UGT1A5: variants seen among roughly 807,000 people sequenced by gnomAD.
UGT1A5 encodes the protein UDP glucuronosyltransferase family 1 member A5.
A neutral mutation model predicts 40.3 loss-of-function variants in UGT1A5; 29 were observed. The observed-to-expected ratio is 0.72, with a 90% CI of 0.54 to 0.98. The LOEUF (loss-of-function observed/expected upper bound fraction) is 0.98, where lower values mean the gene tolerates loss of function less well. Ranked by LOEUF, UGT1A5 falls within the 50% of genes least tolerant of loss-of-function variation. The probability of loss-of-function intolerance (pLI) is 0.00; values close to 1 mark genes in which losing one functional copy is unlikely to be tolerated. For synonymous variants in UGT1A5, 257 were observed against 262.5 expected, an observed-to-expected ratio of 0.98 and a Z score of 0.20; for missense variants, 678 against 677.9, an observed-to-expected ratio of 1.00 and a Z score of 0.00.
intron 1 of UGT1A5, among the ~76,000 whole-genome samples, chr2:233,717,495 T>C (rs979410742): frequency 1.3e-5 from 2 of 152,220 alleles, no homozygotes; most frequent in Admixed American, 6.5e-5. Flanking sequence ...CTGTTATCAA[T>C]GTGGATTTCT....
At chr2:233,731,439 C>T (rs1335351159) in intron 1 of UGT1A5, among the ~76,000 whole-genome samples, 1 of 152,054 alleles carries the variant, frequency 6.6e-6, no homozygotes, top group Non-Finnish European at 1.5e-5. Context: ...TCCCCCAGTC[C>T]CCCACCCCAC....
At position 233,747,294 on chromosome 2, in the gene UGT1A5, G is replaced by T. The variant is rs1361092863; in HGVS notation, c.868-19740G>T. 2.5e-6 allele frequency: 4 copies of T among 1,601,728 alleles called. No homozygotes were observed. In the Admixed American group the frequency reaches 6.7e-5, roughly 27 times the overall value. ...TTCTCAGTGCCCAGCCCTGGGCTGA[G>T]AGTGGGAAGGTGCTGGTGGTACCCA... On this transcript the variant is annotated intron_variant, in intron 1 of 4. Transcript: ENST00000373414.
chr2:233,726,165 C>CA (rs1281871437), intron 1 of UGT1A5, among the ~76,000 whole-genome samples: 1 of 151,994 alleles, frequency 6.6e-6, no homozygotes, highest in Non-Finnish European at 1.5e-5. Context: ...GGCCCCATTT[C>CA]AAAAAAATAA....
At chr2:233,765,830 A>G (rs929596) in intron 1 of UGT1A5, among the ~76,000 whole-genome samples, 48,017 of 151,854 alleles carry the variant, frequency 0.32, 7,975 homozygotes, top group African/African-American at 0.41. Flanking sequence ...GAAACAGGAA[A>G]ACTTTCCTTG....
intron 1 of UGT1A5, chr2:233,755,181 C>G: frequency 8.3e-7 from 1 of 1,205,566 alleles, no homozygotes. Context: ...GTCGGGGTGC[C>G]ACTTGAGCGC....
intron 1 of UGT1A5, among the ~76,000 whole-genome samples, chr2:233,727,296 G>A (rs1359558344): frequency 1.3e-5 from 2 of 152,036 alleles, no homozygotes; most frequent in Non-Finnish European, 2.9e-5. Context: ...TGATGACTTG[G>A]GCAGCTCCTT....
At chr2:233,715,882 C>A (rs576558461) in intron 1 of UGT1A5, among the ~76,000 whole-genome samples, 1 of 152,178 alleles carries the variant, frequency 6.6e-6, no homozygotes, top group Non-Finnish European at 1.5e-5. Flanking sequence ...CCTGTGGCCC[C>A]AGCTACTTGG....
intron 1 of UGT1A5, among the ~76,000 whole-genome samples, chr2:233,718,242 C>T (rs2076642509): frequency 6.6e-6 from 1 of 152,148 alleles, no homozygotes; most frequent in Non-Finnish European, 1.5e-5. Flanking sequence ...CCTCTTTGAG[C>T]TTTACAAGAA....
rs1005188679 is a variant in UGT1A5, at chr2:233,769,324, T to C, written c.1307+885T>C. 3.9e-5 allele frequency among the ~76,000 whole-genome samples: 6 copies of C among 152,244 alleles called. No individual in the cohort carries two copies. Among genetic ancestry groups the C allele is most frequent in the African/African-American group, 1.4e-4 (6 of 41,472 alleles). On this transcript the variant is annotated intron_variant, in intron 4 of 4. Coordinates refer to ENST00000373414, the MANE Select transcript of UGT1A5 (RefSeq NM_019078.2). This position sits in a 1 kb window ranked among gnomAD's most constrained non-coding sequence, Gnocchi z 4.4. ...ATATTACTGTCAAGCTCACTGGTAA[T>C]AGGCTTATTAGAACCTTATGGGAAG...
chr2:233,750,088 A>G (rs1694357041), intron 1 of UGT1A5, among the ~76,000 whole-genome samples: 1 of 151,928 alleles, frequency 6.6e-6, no homozygotes, highest in South Asian at 2.1e-4. Context: ...AGGTTGGAAC[A>G]GTTTGGAGAG....
In UGT1A5 at chr2:233,744,339, T is replaced by C. The variant is rs368123082; in HGVS notation, c.868-22695T>C. Among the ~76,000 whole-genome samples, 73 of 151,998 alleles carry C rather than the reference T, an allele frequency of 4.8e-4. No individual in the cohort carries two copies. The East Asian group carries it at 9.6e-3, about 20-fold the overall frequency. ...GTGGTGGGAGTGAGTTTAGTCTGAC[T>C]GGGGCTGAAGACATCCTGTTGTTTA... On this transcript the variant is annotated intron_variant, in intron 1 of 4. Coordinates refer to ENST00000373414, the MANE Select transcript of UGT1A5 (RefSeq NM_019078.2).
intron 1 of UGT1A5, chr2:233,760,131 T>A: frequency 7.3e-7 from 1 of 1,362,720 alleles, no homozygotes; most frequent in African/African-American, 1.5e-5. Context: ...TCCACCTTCT[T>A]TATCTCTGAA....
intron 1 of UGT1A5, among the ~76,000 whole-genome samples, chr2:233,717,384 C>G (rs1271366561): frequency 6.6e-6 from 1 of 152,240 alleles, no homozygotes; most frequent in Non-Finnish European, 1.5e-5. Flanking sequence ...CAGACCTGCC[C>G]TCTCTGTGCC....
At chr2:233,764,343 C>T (rs1313396621) in intron 1 of UGT1A5, among the ~76,000 whole-genome samples, 1 of 152,116 alleles carries the variant, frequency 6.6e-6, no homozygotes. Context: ...TGGACTTCAC[C>T]TTTATTGAGC....
At chr2:233,735,047 G>A (rs1460443849) in intron 1 of UGT1A5, among the ~76,000 whole-genome samples, 1 of 152,202 alleles carries the variant, frequency 6.6e-6, no homozygotes, top group Non-Finnish European at 1.5e-5. Context: ...GTGCAGAGCT[G>A]AGTTCAGGTC....
intron 1 of UGT1A5, chr2:233,729,215 A>G (rs766332130): frequency 6.2e-7 from 1 of 1,614,066 alleles, no homozygotes; most frequent in Non-Finnish European, 8.5e-7. Flanking sequence ...GAGAGTGGAA[A>G]GGTGTTGGTG....
intron 1 of UGT1A5, among the ~76,000 whole-genome samples, chr2:233,716,039 C>T (rs1263753435): frequency 6.6e-6 from 1 of 152,186 alleles, no homozygotes; most frequent in Non-Finnish European, 1.5e-5. Context: ...TGTCAGCATT[C>T]TGATTCTGTC....
intron 1 of UGT1A5, chr2:233,719,315 G>A (rs768997881): frequency 1.2e-6 from 2 of 1,613,980 alleles, no homozygotes; most frequent in Non-Finnish European, 1.7e-6. Context: ...CTAAGTACCT[G>A]TCGATTCCTG....
chr2:233,755,038 C>A (rs751084795), intron 1 of UGT1A5: 1 of 1,320,112 alleles, frequency 7.6e-7, no homozygotes, highest in South Asian at 1.1e-5. Flanking sequence ...CTGCCGCCTG[C>A]GCAGCCGCCC....
Sources: allele counts gnomAD v4.1 joint callset (sites outside exome capture counted in the v4.1 genomes callset), GRCh38; gene constraint gnomAD v4.1.1; non-coding constraint Gnocchi (gnomAD v3.1); transcripts MANE v1.5; gene names NCBI Gene and HGNC (gene_info 2026-07-23, HGNC 2026-07-21).